Variants in MMP16 observed in about 807,000 individuals in gnomAD.
The protein encoded by MMP16 is matrix metalloproteinase-16.
A neutral mutation model predicts 67.8 loss-of-function variants in MMP16; 12 were observed. That is an observed-to-expected ratio of 0.18 (90% CI 0.11 to 0.29). The LOEUF is 0.29. MMP16 is among the 10% of genes least tolerant of loss of function. The probability of loss-of-function intolerance (pLI) is 1.00; values close to 1 mark genes in which losing one functional copy is unlikely to be tolerated. For synonymous variants in MMP16, 249 were observed against 255.9 expected (o/e 0.97, Z 0.26); for missense variants, 475 against 765.7 (o/e 0.62, Z 4.48).
At chr8:88,292,968 T>C (rs536700354) in intron 1 of MMP16, among the ~76,000 whole-genome samples, 1 of 152,278 alleles carries the variant, frequency 6.6e-6, no homozygotes, top group South Asian at 2.1e-4. Flanking sequence ...AATGCACATA[T>C]AAAAATGCTA....
intron 1 of MMP16, among the ~76,000 whole-genome samples, chr8:88,238,447 C>T (rs996726098): frequency 5.3e-5 from 8 of 151,996 alleles, no homozygotes; most frequent in Admixed American, 5.2e-4. Context: ...CATTTGAGGT[C>T]AGGAGTTTGA....
intron 3 of MMP16, among the ~76,000 whole-genome samples, chr8:88,180,153 C>T (rs1808955899): frequency 1.3e-5 from 2 of 151,826 alleles, no homozygotes; most frequent in South Asian, 2.1e-4. Flanking sequence ...TGGTGGCACA[C>T]GCCTGTAATC....
chr8:88,075,678 T>C (rs1241036910), intron 6 of MMP16, among the ~76,000 whole-genome samples: 1 of 152,182 alleles, frequency 6.6e-6, no homozygotes, highest in African/African-American at 2.4e-5. Flanking sequence ...AAATTGATTT[T>C]AATACAATTA....
chr8:88,261,188 A>C (rs1344768729), intron 1 of MMP16, among the ~76,000 whole-genome samples: 1 of 152,160 alleles, frequency 6.6e-6, no homozygotes, highest in Non-Finnish European at 1.5e-5. Flanking sequence ...TCTCAAGAAC[A>C]CCACTATAAA....
intron 4 of MMP16, among the ~76,000 whole-genome samples, chr8:88,155,166 C>T (rs1808487660): frequency 1.3e-5 from 2 of 151,978 alleles, no homozygotes; most frequent in South Asian, 4.1e-4. Context: ...TATGTTACTA[C>T]TAAATCACAG....
intron 7 of MMP16, chr8:88,069,374 G>T: frequency 2.1e-6 from 1 of 470,280 alleles, no homozygotes. Flanking sequence ...TTCTTTGTTA[G>T]TATGTGATGG....
At chr8:88,077,749 T>A (rs183409007) in intron 6 of MMP16, among the ~76,000 whole-genome samples, 1 of 152,330 alleles carries the variant, frequency 6.6e-6, no homozygotes, top group African/African-American at 2.4e-5. Flanking sequence ...TCAGTTTTTT[T>A]CCCTGTTGTA....
chr8:88,062,037 C>T (rs1477021232), intron 7 of MMP16, among the ~76,000 whole-genome samples: 1 of 152,050 alleles, frequency 6.6e-6, no homozygotes, highest in Non-Finnish European at 1.5e-5. Context: ...AGAAATACCA[C>T]CTTGCCTGCT....
At chr8:88,249,126 G>C (rs1177222911) in intron 1 of MMP16, among the ~76,000 whole-genome samples, 1 of 151,852 alleles carries the variant, frequency 6.6e-6, no homozygotes, top group African/African-American at 2.4e-5. Context: ...AGCTGGAAAG[G>C]CAGACAAACC....
At position 88,310,295 on chromosome 8, in the gene MMP16, T is replaced by TATGA. The variant is rs570112767; in HGVS notation, c.132+16776_132+16779dup. ...GCTATTTATACCAAAAATACTGTCA[T>TATGA]ATGATGGAGATGATTTTTTAAAATC... On this transcript the variant is annotated intron_variant, in intron 1 of 9. Transcript: ENST00000286614. Among the ~76,000 whole-genome samples, 851 of 152,210 alleles carry TATGA rather than the reference T, an allele frequency of 5.6e-3. 11 individuals are homozygous for TATGA. The highest frequency in any genetic ancestry group is 0.019 in the African/African-American group (777 of 41,570).
At chr8:88,170,737 C>G (rs1419420697) in intron 3 of MMP16, among the ~76,000 whole-genome samples, 2 of 152,158 alleles carry the variant, frequency 1.3e-5, no homozygotes, top group African/African-American at 2.4e-5. Context: ...ATGCCTAGCA[C>G]TGAGTTTCCA....
chr8:88,239,154 G>A lies in MMP16; in HGVS notation c.133-41848C>T, dbSNP rs182675739. ...GTTCCCCAAATGTGATTACAAGCAG[G>A]CGTGGTGGCGCTTGCTTATAATCCC... On this transcript the variant is annotated intron_variant, in intron 1 of 9. Transcript: ENST00000286614. Among the ~76,000 whole-genome samples the A allele has an allele frequency of 5.2e-3, 783 of 151,864 alleles. 11 individuals are homozygous for A. Among genetic ancestry groups the A allele is most frequent in the African/African-American group, 0.018 (749 of 41,422 alleles).
intron 1 of MMP16, among the ~76,000 whole-genome samples, chr8:88,273,035 GAA>G (rs112682911): frequency 3.7e-5 from 5 of 135,980 alleles, no homozygotes; most frequent in African/African-American, 1.3e-4. Context: ...CAAAAAAAAA[GAA>G]AAAAAAAAAG....
chr8:88,065,953 C>T (rs1459378373), intron 7 of MMP16, among the ~76,000 whole-genome samples: 1 of 152,166 alleles, frequency 6.6e-6, no homozygotes, highest in South Asian at 2.1e-4. Flanking sequence ...CATTTTTATT[C>T]CCAAATTTTA....
chr8:88,194,171 T>C (rs1809214619), intron 2 of MMP16, among the ~76,000 whole-genome samples: 1 of 152,056 alleles, frequency 6.6e-6, no homozygotes, highest in Non-Finnish European at 1.5e-5. Context: ...TTGTCATCAT[T>C]ACTTTTAATT....
intron 5 of MMP16, among the ~76,000 whole-genome samples, chr8:88,117,693 T>C (rs1334672719): frequency 6.6e-6 from 1 of 152,064 alleles, no homozygotes. Flanking sequence ...AACTGACCTT[T>C]TTTTACAAAT....
intron 1 of MMP16, among the ~76,000 whole-genome samples, chr8:88,251,046 C>T (rs1332063729): frequency 6.6e-6 from 1 of 150,950 alleles, no homozygotes; most frequent in Non-Finnish European, 1.5e-5. Context: ...TTTGTTCTTG[C>T]AATAGTTTAC....
intron 1 of MMP16, among the ~76,000 whole-genome samples, chr8:88,201,949 A>C (rs1051381454): frequency 3.3e-5 from 5 of 152,194 alleles, no homozygotes; most frequent in African/African-American, 1.2e-4. Context: ...TGTGAATTAT[A>C]ACTACCTATT....
intron 1 of MMP16, among the ~76,000 whole-genome samples, chr8:88,244,633 A>C (rs571325832): frequency 3.3e-5 from 5 of 152,180 alleles, no homozygotes; most frequent in Non-Finnish European, 7.3e-5. Flanking sequence ...ATTATGAAAA[A>C]ACAAAGACAT....
Sources: gnomAD v4.1 joint callset for allele counts (sites outside exome capture counted in the v4.1 genomes callset) on GRCh38, gnomAD v4.1.1 for gene constraint, MANE v1.5 for transcripts, NCBI Gene and HGNC (gene_info 2026-07-23, HGNC 2026-07-21) for gene names.